DIAPH2: variants seen among roughly 807,000 people sequenced by gnomAD.
DIAPH2 encodes protein diaphanous homolog 2.
In DIAPH2, 35 loss-of-function variants were observed where a neutral mutation model predicts 92.7. The ratio of observed to expected loss-of-function variants is 0.38; its 90% CI spans 0.29 to 0.50. The LOEUF is 0.50. Ranked by LOEUF, DIAPH2 falls within the 20% of genes least tolerant of loss-of-function variation. The pLI, the probability that DIAPH2 is intolerant of heterozygous loss-of-function variation, is 0.94. For missense variants in DIAPH2, 701 were observed against 819.5 expected (o/e 0.86, Z 1.77); for synonymous variants, 301 against 280.4 (o/e 1.07, Z -0.73).
intron 4 of DIAPH2, among the ~76,000 whole-genome samples, chrX:96,812,218 G>A (rs1462407787): frequency 2.7e-5 from 3 of 111,675 alleles, no homozygotes; most frequent in African/African-American, 9.8e-5. Flanking sequence ...GGTCTATTCA[G>A]GGATTCAACT....
At chrX:97,381,002 C>T (rs1440126971) in intron 24 of DIAPH2, among the ~76,000 whole-genome samples, 1 of 111,357 alleles carries the variant, frequency 9.0e-6, no homozygotes, top group African/African-American at 3.3e-5. Flanking sequence ...AGACCTATTA[C>T]TTGTTCTGTT....
rs1201169765 is a variant in DIAPH2, at chrX:97,600,087, A to C, written c.*770A>C. On this transcript the variant is annotated 3_prime_UTR_variant, in exon 27 of 27. Transcript: ENST00000324765. ...TATGCACAGATATCTACTTTATACAAATACTTTATATGGCTATTTTTGAGA... is the reference window on the plus strand; with the variant it reads ...TATGCACAGATATCTACTTTATACACATACTTTATATGGCTATTTTTGAGA... 3.5e-5 allele frequency: 4 copies of C among 112,895 alleles called. No individual in the cohort carries two copies. Among genetic ancestry groups the C allele is most frequent in the Admixed American group, 9.4e-5 (1 of 10,605 alleles). The allele number at this position is 112,895 out of a possible 1,213,427, so 9.3% of individuals were successfully genotyped here.
At chrX:96,879,706 AGG>A (rs1418618429) in intron 4 of DIAPH2, among the ~76,000 whole-genome samples, 1 of 111,406 alleles carries the variant, frequency 9.0e-6, no homozygotes, top group African/African-American at 3.3e-5. Context: ...TGTGCCATTT[AGG>A]TGATGATGAT....
intron 26 of DIAPH2, among the ~76,000 whole-genome samples, chrX:97,584,274 G>A (rs2071465041): frequency 8.9e-6 from 1 of 112,223 alleles, no homozygotes; most frequent in Non-Finnish European, 1.9e-5. Flanking sequence ...CCAATGCATT[G>A]TTTCTCAAAT....
intron 26 of DIAPH2, among the ~76,000 whole-genome samples, chrX:97,438,513 A>T (rs1450425372): frequency 9.3e-6 from 1 of 107,450 alleles, no homozygotes; most frequent in Non-Finnish European, 1.9e-5. Context: ...TGACAGGTGC[A>T]TGCCACCACG....
At chrX:97,500,763 GATAT>G (rs56041649) in intron 26 of DIAPH2, among the ~76,000 whole-genome samples, 3,865 of 59,879 alleles carry the variant, frequency 0.065, 124 homozygotes, top group South Asian at 0.079. Context: ...CATTCAAGGA[GATAT>G]ATATATATAT....
intron 22 of DIAPH2, among the ~76,000 whole-genome samples, chrX:97,202,840 A>G (rs1303568685): frequency 8.9e-6 from 1 of 112,381 alleles, no homozygotes; most frequent in Non-Finnish European, 1.9e-5. Context: ...GACCTAATAG[A>G]CATCTACAGA....
At chrX:97,543,608 G>A (rs2071157611) in intron 26 of DIAPH2, among the ~76,000 whole-genome samples, 1 of 110,604 alleles carries the variant, frequency 9.0e-6, no homozygotes, top group Non-Finnish European at 1.9e-5. Flanking sequence ...AGGTTCAAGT[G>A]ATTCTTCTGC....
intron 4 of DIAPH2, among the ~76,000 whole-genome samples, chrX:96,780,198 T>C (rs1329650807): frequency 8.9e-6 from 1 of 112,341 alleles, no homozygotes; most frequent in Non-Finnish European, 1.9e-5. Context: ...ATAAAATGCC[T>C]GGTGTTAGAT....
intron 17 of DIAPH2, among the ~76,000 whole-genome samples, chrX:96,982,124 C>T (rs1295176355): frequency 9.0e-6 from 1 of 111,454 alleles, no homozygotes; most frequent in Non-Finnish European, 1.9e-5. Flanking sequence ...TTACTAACCA[C>T]CCTAGATTAA....
intron 26 of DIAPH2, among the ~76,000 whole-genome samples, chrX:97,598,215 A>T (rs1268098242): frequency 8.9e-6 from 1 of 112,092 alleles, no homozygotes; most frequent in African/African-American, 3.2e-5. Context: ...TGAACAAAGC[A>T]GGCCTGACAT....
chrX:96,826,537 A>G (rs2064817303), intron 4 of DIAPH2, among the ~76,000 whole-genome samples: 2 of 111,362 alleles, frequency 1.8e-5, no homozygotes, highest in Non-Finnish European at 3.8e-5. Flanking sequence ...ATCAGTTACC[A>G]ATATGTGAAT....
chrX:96,841,522 C>T (rs2064936516), intron 4 of DIAPH2, among the ~76,000 whole-genome samples: 1 of 111,721 alleles, frequency 9.0e-6, no homozygotes, highest in African/African-American at 3.3e-5. Context: ...AAAGTGCATC[C>T]AGAGTTGTCA....
chrX:97,514,784 G>C (rs1424049346), intron 26 of DIAPH2, among the ~76,000 whole-genome samples: 1 of 109,932 alleles, frequency 9.1e-6, no homozygotes, highest in Non-Finnish European at 1.9e-5. Context: ...TGGTGTCAGT[G>C]TGCCCCTGCT....
chrX:96,820,876 ACTTAGAAAAGGCTTTC>A (rs887148182), intron 4 of DIAPH2, among the ~76,000 whole-genome samples: 3 of 112,243 alleles, frequency 2.7e-5, no homozygotes, highest in Non-Finnish European at 5.6e-5. Context: ...TTATAGCGAT[ACTTAGAAAAGGCTTTC>A]CTGATGTAGT....
intron 26 of DIAPH2, among the ~76,000 whole-genome samples, chrX:97,438,362 T>TTG (rs2070215277): frequency 1.3e-5 from 1 of 74,305 alleles, no homozygotes; most frequent in African/African-American, 5.2e-5. Flanking sequence ...TTTGTTTGTT[T>TTG]TTTTTTTTTT....
intron 22 of DIAPH2, among the ~76,000 whole-genome samples, chrX:97,242,109 A>T (rs1266348692): frequency 9.0e-6 from 1 of 111,488 alleles, no homozygotes; most frequent in Non-Finnish European, 1.9e-5. Flanking sequence ...AAATAAAAAA[A>T]TTCTAGTGAT....
chrX:96,873,132 G>A (rs1375123541), intron 4 of DIAPH2, among the ~76,000 whole-genome samples: 2 of 111,579 alleles, frequency 1.8e-5, no homozygotes, highest in African/African-American at 6.5e-5. Context: ...TAACTGGGGT[G>A]AGATGATACC....
At chrX:96,873,677 C>T (rs1407356566) in intron 4 of DIAPH2, among the ~76,000 whole-genome samples, 5 of 100,779 alleles carry the variant, frequency 5.0e-5, no homozygotes, top group African/African-American at 1.9e-4. Context: ...CACACACACA[C>T]ACATATAAAA....
Sources: allele counts gnomAD v4.1 joint callset (sites outside exome capture counted in the v4.1 genomes callset), GRCh38; gene constraint gnomAD v4.1.1; transcripts MANE v1.5; gene names NCBI Gene and HGNC (gene_info 2026-07-23, HGNC 2026-07-21).